The following BRPF1 variants were observed in gnomAD, a reference collection of about 807,000 sequenced individuals.
BRPF1 encodes the protein bromodomain and PHD finger containing 1.
BRPF1 carries 15 observed loss-of-function variants against 115.0 expected under a neutral mutation model. The ratio of observed to expected loss-of-function variants is 0.13; its 90% confidence interval spans 0.09 to 0.20. The LOEUF is 0.20. Ranked by LOEUF, BRPF1 falls within the 10% of genes least tolerant of loss-of-function variation. The pLI, the probability that BRPF1 is intolerant of heterozygous loss-of-function variation, is 1.00. For missense variants in BRPF1, 1,118 were observed against 1,638.3 expected, an observed-to-expected ratio of 0.68 and a Z score of 5.48; for synonymous variants, 647 against 619.8, an observed-to-expected ratio of 1.04 and a Z score of -0.65.
intron 2 of BRPF1, among the ~76,000 whole-genome samples, chr3:9,737,252 A>G (rs905074920): frequency 6.6e-6 from 1 of 152,228 alleles, no homozygotes; most frequent in African/African-American, 2.4e-5. Flanking sequence ...CGAATCAGAC[A>G]CAATCCCCAC....
In BRPF1 at chr3:9,739,675, G is replaced by A. The variant is rs2076996854; in HGVS notation, c.1276G>A (p.Val426Met). 3 of 1,613,114 alleles carry A rather than the reference G, an allele frequency of 1.9e-6. No individual in the cohort carries two copies. The African/African-American group carries it at 4.0e-5, about 22-fold the overall frequency. ...TGGCCTTTACATGAAGATGGAGCCT[G>A]TGCGGGAGACAGGCGCCAACGGCAC... The part of the protein sequence containing the change: ...QAGLYMKMEP[V>M]RETGANGTSF... The change falls in exon 3 of 14, where the codon GTG (valine) becomes ATG (methionine). Residue 426 changes from valine to methionine, a missense_variant. Coordinates refer to ENST00000383829, the MANE Select transcript of BRPF1 (RefSeq NM_001003694.2).
chr3:9,745,261 A>T lies in BRPF1; in HGVS notation c.3068+106A>T. ...AGTGGGGTGGCAGCCATCTCAGTCT[A>T]GATTAAGATGGCTCAAACTCAAGGT... On this transcript the variant is annotated intron_variant, in intron 10 of 13. Transcript: ENST00000383829. This position sits in a 1 kb window ranked among gnomAD's most constrained non-coding sequence, Gnocchi z 5.1. 7.4e-7 allele frequency: 1 copy of T among 1,359,768 alleles called. No homozygotes were observed. Among genetic ancestry groups the T allele is most frequent in the Non-Finnish European group, 9.9e-7 (1 of 1,009,976 alleles). 84.2% of individuals were successfully genotyped at this position (1,359,768 alleles called of 1,614,324 possible).
chr3:9,744,687 G>C (rs1022576363), intron 9 of BRPF1, among the ~76,000 whole-genome samples, 179 bp downstream of exon 9: 1 of 152,180 alleles, frequency 6.6e-6, no homozygotes, highest in Non-Finnish European at 1.5e-5. Context: ...GAGACACTAC[G>C]ACCCAGCTAA....
Position 9,739,853 on chromosome 3 carries a change from A to G in BRPF1, c.1454A>G (p.Lys485Arg). Residue 485 changes from lysine (K) to arginine (R), a missense_variant, in exon 3 of 14, where the codon AAG becomes AGG. Lys to Arg is a conservative substitution (Grantham distance 26). This residue lies in a region of BRPF1 where 87 missense variants were observed against 93.4 expected (regional missense o/e 0.93). Coordinates refer to ENST00000383829, the MANE Select transcript of BRPF1 (RefSeq NM_001003694.2). ...GGCTGGAGCTCAGAGAAAGTCAAGA[A>G]GGCCAAGGCCAAGTCCCGGATCAAA... ...GKGWSSEKVK[K>R]AKAKSRIKMK... 1 of 1,589,322 alleles carries G rather than the reference A, an allele frequency of 6.3e-7. No individual in the cohort carries two copies. The highest frequency in any genetic ancestry group is 8.6e-7 in the Non-Finnish European group (1 of 1,167,794).
Position 9,742,976 on chromosome 3 carries a change from C to T in BRPF1, c.2034C>T (p.Pro678=). 5.0e-6 allele frequency: 8 copies of T among 1,614,178 alleles called. No homozygotes were observed. The highest frequency in any genetic ancestry group is 6.8e-6 in the Non-Finnish European group (8 of 1,180,022). ...ACTACCTAGACCACATCAAAAAGCC[C>T]ATGGACTTTTTCACCATGAAGCAGA... is the stretch of plus-strand genomic sequence containing the variant. ...VPDYLDHIKK[P]MDFFTMKQNL... is the part of the protein sequence containing the mutation. Residue 678 remains proline (P), a synonymous_variant, in exon 7 of 14, where the codon CCC becomes CCT. Coordinates refer to ENST00000383829, the MANE Select transcript of BRPF1 (RefSeq NM_001003694.2).
chr3:9,746,100 C>T (rs1208557273), intron 12 of BRPF1, among the ~76,000 whole-genome samples, 170 bp downstream of exon 12: 2 of 152,164 alleles, frequency 1.3e-5, no homozygotes, highest in Non-Finnish European at 2.9e-5. Context: ...CTCAGTTTCT[C>T]CATCTCTCCC....
chr3:9,735,814 C>T (rs543757456), intron 2 of BRPF1, among the ~76,000 whole-genome samples: 5 of 152,168 alleles, frequency 3.3e-5, no homozygotes, highest in African/African-American at 1.2e-4. Context: ...GGCACTAAAA[C>T]CAAGTGTAAA....
chr3:9,743,389 C>A lies in BRPF1; in HGVS notation c.2311+136C>A. On this transcript the variant is annotated intron_variant, in intron 7 of 13. Coordinates refer to ENST00000383829, the MANE Select transcript of BRPF1 (RefSeq NM_001003694.2). This position sits in a 1 kb window ranked among gnomAD's most constrained non-coding sequence, Gnocchi z 6.1. ...CAGTGGCAAGCTATCCCCAGGAATG[C>A]TCCCCAAGAAGCCAGACTGGGTGAA... 7.7e-7 allele frequency: 1 copy of A among 1,305,354 alleles called. No homozygotes were observed. Among genetic ancestry groups the A allele is most frequent in the Non-Finnish European group, 1.0e-6 (1 of 961,154 alleles). The allele number at this position is 1,305,354 out of a possible 1,614,324, so 80.9% of individuals were successfully genotyped here.
rs1011395049 is a variant in BRPF1, at chr3:9,743,384, G to A, written c.2311+131G>A. 6.8e-6 allele frequency: 9 copies of A among 1,323,996 alleles called. No individual in the cohort carries two copies. The highest frequency in any genetic ancestry group is 8.2e-6 in the Non-Finnish European group (8 of 977,622). 82.0% of individuals were successfully genotyped at this position (1,323,996 alleles called of 1,614,324 possible). On this transcript the variant is annotated intron_variant, in intron 7 of 13. Transcript: ENST00000383829. The surrounding 1 kb of genome is among the most constrained non-coding windows in gnomAD (Gnocchi z 6.1). ...CTGAGCAGTGGCAAGCTATCCCCAG[G>A]AATGCTCCCCAAGAAGCCAGACTGG...
rs763357631 is a variant in BRPF1 at position 9,743,804 on chromosome 3, G to A, written c.2538G>A (p.Ser846=). 16 of 1,612,488 alleles carry A rather than the reference G, an allele frequency of 9.9e-6. No homozygotes were observed. The highest frequency in any genetic ancestry group is 7.7e-5 in the South Asian group (7 of 91,028). Residue 846 remains serine (S), a synonymous_variant, in exon 8 of 14, where the codon TCG becomes TCA. Coordinates refer to ENST00000383829, the MANE Select transcript of BRPF1 (RefSeq NM_001003694.2). This position sits in a 1 kb window ranked among gnomAD's most constrained non-coding sequence, Gnocchi z 6.1. ...ATGGCCCTGAGCGGCATGGCCCCTC[G>A]AGCCGGGGTAGTCTGACACCCCACC... The part of the protein sequence containing the change: ...GRDGPERHGP[S]SRGSLTPHPA...
rs750883299 is a variant in BRPF1 at position 9,743,678 on chromosome 3, C to T, written c.2412C>T (p.Ala804=). ...LLLERLDEVN[A]SKQSVGRSRR... ...TGGAGCGGCTGGACGAAGTGAATGC[C>T]AGCAAGCAGAGTGTGGGCCGCTCAC... The change falls in exon 8 of 14, where the codon GCC becomes GCT. Residue 804 remains alanine, a synonymous_variant. Transcript: ENST00000383829. The surrounding 1 kb of genome is among the most constrained non-coding windows in gnomAD (Gnocchi z 6.1). The T allele has an allele frequency of 1.2e-6, 2 of 1,614,154 alleles. No individual in the cohort carries two copies. The highest frequency in any genetic ancestry group is 2.2e-5 in the South Asian group (2 of 91,088).
intron 12 of BRPF1, 144 bp from the exon 13 acceptor site, chr3:9,746,156 A>C (rs2077122146): frequency 8.3e-7 from 1 of 1,205,868 alleles, no homozygotes; most frequent in African/African-American, 1.5e-5. Flanking sequence ...TTTAGCATGG[A>C]AAGAAGCTGA....
chr3:9,747,450 G>A lies in BRPF1; in HGVS notation c.*101G>A. The A allele has an allele frequency of 6.9e-7, 1 of 1,440,586 alleles. No homozygotes were observed. The highest frequency in any genetic ancestry group is 2.3e-5 in the East Asian group (1 of 42,876). The allele number at this position is 1,440,586 out of a possible 1,614,324, so 89.2% of individuals were successfully genotyped here. ...CCGGCCTCTGCACTGACTCATTTCT[G>A]GTCTTGGGGCCAGTCTCAGGGGAAG... On this transcript the variant is annotated 3_prime_UTR_variant, in exon 14 of 14. Coordinates refer to ENST00000383829, the MANE Select transcript of BRPF1 (RefSeq NM_001003694.2). The surrounding 1 kb of genome is among the most constrained non-coding windows in gnomAD (Gnocchi z 5.6).
rs753703290 is a variant in BRPF1, at chr3:9,739,438, C to T, written c.1039C>T (p.Arg347Cys). 33 of 1,614,014 alleles carry T rather than the reference C, an allele frequency of 2.0e-5. No homozygotes were observed. Among genetic ancestry groups the T allele is most frequent in the African/African-American group, 6.7e-5 (5 of 74,930 alleles). ...TGCCTTCAAGCAGACAGATGACGGG[C>T]GCTGGGCCCATGTGGTGTGTGCCTT... ...GGAFKQTDDGRWAHVVCALWI... is the reference protein window; with the variant it reads ...GGAFKQTDDGCWAHVVCALWI... Residue 347 changes from arginine (R) to cysteine (C), a missense_variant, in exon 3 of 14, where the codon CGC becomes TGC. This residue lies in a region of BRPF1 where 64 missense variants were observed against 172.8 expected (regional missense o/e 0.37). Transcript: ENST00000383829.
Position 9,742,038 on chromosome 3 carries a change from A to G in BRPF1, c.1868A>G (p.Gln623Arg). ...KLKRETIKVQ[Q>R]IAMEMQLTPF... ...TTTCTATGTTAGATCAAGGTTCAGCAGATTGCCATGGAGATGCAGCTGACT... is the reference window on the plus strand; with the variant it reads ...TTTCTATGTTAGATCAAGGTTCAGCGGATTGCCATGGAGATGCAGCTGACT... Residue 623 changes from glutamine to arginine, a missense_variant, in exon 6 of 14, where the codon CAG becomes CGG. Around this residue, in one of 10 missense-constraint regions of BRPF1, gnomAD observed 178 missense variants for 303.7 expected, o/e 0.59. Coordinates refer to ENST00000383829, the MANE Select transcript of BRPF1 (RefSeq NM_001003694.2). The G allele has an allele frequency of 6.2e-7, 1 of 1,614,196 alleles. No individual in the cohort carries two copies. Among genetic ancestry groups the G allele is most frequent in the Non-Finnish European group, 8.5e-7 (1 of 1,180,046 alleles).
chr3:9,747,316 C>T lies in BRPF1; in HGVS notation c.3630C>T (p.Gly1210=), dbSNP rs748772680. 9.3e-6 allele frequency: 15 copies of T among 1,614,032 alleles called. No individual in the cohort carries two copies. The highest frequency in any genetic ancestry group is 1.1e-5 in the Non-Finnish European group (13 of 1,180,032). The change falls in exon 14 of 14, where the codon GGC becomes GGT. Residue 1210 remains glycine, a synonymous_variant. Coordinates refer to ENST00000383829, the MANE Select transcript of BRPF1 (RefSeq NM_001003694.2). This position sits in a 1 kb window ranked among gnomAD's most constrained non-coding sequence, Gnocchi z 5.6. ...RALQHRSKVQ[G]EQSSETSDSD ...TGCAGCACCGCAGCAAGGTGCAAGGCGAGCAGAGCAGTGAGACCAGCGATA... is the reference window on the plus strand; with the variant it reads ...TGCAGCACCGCAGCAAGGTGCAAGGTGAGCAGAGCAGTGAGACCAGCGATA...
Position 9,734,367 on chromosome 3 carries a change from C to G in BRPF1, c.227C>G (p.Pro76Arg). 2 of 1,614,068 alleles carry G rather than the reference C, an allele frequency of 1.2e-6. No individual in the cohort carries two copies. The highest frequency in any genetic ancestry group is 1.6e-4 in the Middle Eastern group (1 of 6,062). The part of the protein sequence containing the change: ...RQSRPANKQS[P>R]SPSEVSQSPG... ...TCACGCCCAGCCAACAAGCAGTCACCCAGCCCCTCAGAGGTCTCACAGTCA... is the reference window on the plus strand; with the variant it reads ...TCACGCCCAGCCAACAAGCAGTCACGCAGCCCCTCAGAGGTCTCACAGTCA... The change falls in exon 2 of 14, where the codon CCC becomes CGC. Residue 76 changes from proline (P) to arginine (R), a missense_variant. Physicochemically the swap from Pro to Arg is moderately radical, Grantham distance 103. Around this residue, in one of 10 missense-constraint regions of BRPF1, gnomAD observed 280 missense variants for 382.8 expected, o/e 0.73. Transcript: ENST00000383829. This position sits in a 1 kb window ranked among gnomAD's most constrained non-coding sequence, Gnocchi z 5.7.
Position 9,734,215 on chromosome 3 carries a change from G to A in BRPF1, c.75G>A (p.Val25=). The change falls in exon 2 of 14, where the codon GTG becomes GTA. Residue 25 remains valine, a synonymous_variant. Transcript: ENST00000383829. This position sits in a 1 kb window ranked among gnomAD's most constrained non-coding sequence, Gnocchi z 5.7. The part of the protein sequence containing the change: ...RATKPPYECP[V]ETCRKVYKSY... ...CTAAGCCACCATACGAGTGCCCGGT[G>A]GAGACCTGCCGAAAGGTCTACAAGA... 6.2e-7 allele frequency: 1 copy of A among 1,614,134 alleles called. No individual in the cohort carries two copies. The highest frequency in any genetic ancestry group is 1.7e-5 in the Admixed American group (1 of 60,020).
intron 6 of BRPF1, 118 bp downstream of exon 6, chr3:9,742,289 GGCAGGATGAACTGGAGCCACA>G: frequency 6.6e-7 from 1 of 1,522,164 alleles, no homozygotes; most frequent in Non-Finnish European, 8.8e-7. Flanking sequence ...GTGGCTCTGG[GGCAGGATGAACTGGAGCCACA>G]TGTATCACCT....
Sources: allele counts gnomAD v4.1 joint callset (sites outside exome capture counted in the v4.1 genomes callset), GRCh38; gene constraint gnomAD v4.1.1; regional missense constraint gnomAD v4.1.1; non-coding constraint Gnocchi (gnomAD v3.1); transcripts MANE v1.5; gene names NCBI Gene and HGNC (gene_info 2026-07-23, HGNC 2026-07-21).